The following APBA1 variants were observed in gnomAD, a reference collection of about 807,000 sequenced individuals.
The protein encoded by APBA1 is amyloid-beta A4 precursor protein-binding family A member 1.
In APBA1, 55 loss-of-function variants were observed where a neutral mutation model predicts 86.6. That is an observed-to-expected ratio of 0.64 (90% CI 0.51 to 0.80). APBA1 has a LOEUF of 0.80. Among genes scored for constraint, APBA1 ranks in the 30% least tolerant of loss-of-function variants. APBA1 has a pLI of 0.00. For missense variants in APBA1, 1,090 were observed against 1,183.0 expected, an observed-to-expected ratio of 0.92 and a Z score of 1.15; for synonymous variants, 511 against 493.9, an observed-to-expected ratio of 1.03 and a Z score of -0.46.
chr9:69,672,936 C>T (rs1823985541), upstream of APBA1: 1 of 152,286 alleles, frequency 6.6e-6, no homozygotes, highest in African/African-American at 2.4e-5. Context: ...TCCGGAGTGA[C>T]TCCCGAGCTT....
At chr9:69,568,324 A>T (rs1388407044) in intron 1 of APBA1, among the ~76,000 whole-genome samples, 1 of 152,248 alleles carries the variant, frequency 6.6e-6, no homozygotes, top group Non-Finnish European at 1.5e-5. Context: ...TTTAGGATGC[A>T]TCATTCTCTC....
At chr9:69,461,339 C>T (rs1214932082) in intron 5 of APBA1, 1 of 152,036 alleles carries the variant, frequency 6.6e-6, no homozygotes, top group East Asian at 1.9e-4. Flanking sequence ...CTGCAGCACC[C>T]CCCACCCCCT....
At chr9:69,636,926 A>AAAGAAGGAAG (rs1554708349) in intron 1 of APBA1, among the ~76,000 whole-genome samples, 10 of 31,490 alleles carry the variant, frequency 3.2e-4, no homozygotes, top group African/African-American at 6.8e-4. Flanking sequence ...AAGGAAGGAA[A>AAAGAAGGAAG]GAAAGAAAGA....
intron 2 of APBA1, among the ~76,000 whole-genome samples, chr9:69,505,815 C>T (rs1835950821): frequency 6.6e-6 from 1 of 151,896 alleles, no homozygotes; most frequent in African/African-American, 2.4e-5. Context: ...GTCAGGAGTT[C>T]AAGACCAGCC....
At chr9:69,653,113 T>C (rs957546313) in intron 1 of APBA1, among the ~76,000 whole-genome samples, 9 of 151,412 alleles carry the variant, frequency 5.9e-5, no homozygotes, top group Non-Finnish European at 1.3e-4. Context: ...TGGAAAAATA[T>C]ATTCCATGCA....
At chr9:69,526,677 T>G (rs903714790) in intron 1 of APBA1, among the ~76,000 whole-genome samples, 1 of 152,004 alleles carries the variant, frequency 6.6e-6, no homozygotes, top group African/African-American at 2.4e-5. Flanking sequence ...CTCAGAGAAC[T>G]ACAATTCGAC....
intron 1 of APBA1, among the ~76,000 whole-genome samples, chr9:69,574,806 G>A (rs373359955): frequency 2.8e-4 from 43 of 152,270 alleles, no homozygotes; most frequent in African/African-American, 9.1e-4. Flanking sequence ...TATGGATAGT[G>A]GTCACCTCTG....
At chr9:69,530,327 TATACACAC>T (rs760496197) in intron 1 of APBA1, among the ~76,000 whole-genome samples, 10,431 of 127,004 alleles carry the variant, frequency 0.082, 462 homozygotes, top group East Asian at 0.25. Flanking sequence ...TATATATATA[TATACACAC>T]ACACACACAC....
At chr9:69,436,339 G>T (rs1834719206) in intron 11 of APBA1, among the ~76,000 whole-genome samples, 1 of 150,354 alleles carries the variant, frequency 6.7e-6, no homozygotes, top group African/African-American at 2.5e-5. Context: ...GCTTGATGGG[G>T]ATGGCATTGA....
At chr9:69,543,584 G>A (rs1418889749) in intron 1 of APBA1, among the ~76,000 whole-genome samples, 1 of 152,088 alleles carries the variant, frequency 6.6e-6, no homozygotes. Flanking sequence ...AGCATTTCAT[G>A]TTCCTGGGAC....
chr9:69,497,200 A>G (rs1023136889), intron 2 of APBA1, among the ~76,000 whole-genome samples: 1 of 152,004 alleles, frequency 6.6e-6, no homozygotes, highest in Non-Finnish European at 1.5e-5. Context: ...TCAATAATGG[A>G]TAACACCTGC....
At chr9:69,637,641 A>G (rs1241090623) in intron 1 of APBA1, among the ~76,000 whole-genome samples, 1 of 152,234 alleles carries the variant, frequency 6.6e-6, no homozygotes, top group Admixed American at 6.5e-5. Context: ...ACAGGCTGAG[A>G]AGCAGTTTGA....
At chr9:69,646,254 T>G (rs1588410348) in intron 1 of APBA1, among the ~76,000 whole-genome samples, 1 of 152,302 alleles carries the variant, frequency 6.6e-6, no homozygotes, top group Non-Finnish European at 1.5e-5. Flanking sequence ...CTTGGGGTAG[T>G]GGGTAATGAG....
chr9:69,606,648 C>T (rs868476804), intron 1 of APBA1, among the ~76,000 whole-genome samples: 6 of 151,826 alleles, frequency 4.0e-5, no homozygotes, highest in African/African-American at 7.3e-5. Context: ...CCCACCACCA[C>T]GCCCGGCTAA....
At chr9:69,565,838 C>T (rs543457392) in intron 1 of APBA1, among the ~76,000 whole-genome samples, 1 of 152,218 alleles carries the variant, frequency 6.6e-6, no homozygotes, top group African/African-American at 2.4e-5. Flanking sequence ...GAATATTCTG[C>T]ACTCTGCAGC....
At chr9:69,657,909 A>G (rs1823643977) in intron 1 of APBA1, among the ~76,000 whole-genome samples, 1 of 152,232 alleles carries the variant, frequency 6.6e-6, no homozygotes. Context: ...AGAATGGAAG[A>G]GAGAATATTC....
chr9:69,579,443 T>G (rs1169276591), intron 1 of APBA1, among the ~76,000 whole-genome samples: 1 of 152,242 alleles, frequency 6.6e-6, no homozygotes, highest in Non-Finnish European at 1.5e-5. Flanking sequence ...TTTTTCTGTT[T>G]CATTTTTTAA....
At chr9:69,629,437 G>A (rs1242781983) in intron 1 of APBA1, among the ~76,000 whole-genome samples, 1 of 152,154 alleles carries the variant, frequency 6.6e-6, no homozygotes, top group East Asian at 1.9e-4. Flanking sequence ...CAGGCATTAA[G>A]AATTCACATG....
chr9:69,633,049 A>G (rs1213640074), intron 1 of APBA1, among the ~76,000 whole-genome samples: 2 of 149,418 alleles, frequency 1.3e-5, no homozygotes, highest in African/African-American at 4.9e-5. Context: ...CCTAACAGCT[A>G]TAGCTACTCT....
Sources: allele counts gnomAD v4.1 joint callset (sites outside exome capture counted in the v4.1 genomes callset), GRCh38; gene constraint gnomAD v4.1.1; transcripts MANE v1.5; gene names NCBI Gene and HGNC (gene_info 2026-07-23, HGNC 2026-07-21).